The following IFT56 variants were observed in gnomAD, a reference collection of about 807,000 sequenced individuals.
The protein encoded by IFT56 is intraflagellar transport protein 56.
the IFT56 span, among the ~76,000 whole-genome samples, chr7:139,139,290 C>T: frequency 2.6e-5 from 4 of 152,084 alleles, no homozygotes; most frequent in East Asian, 3.9e-4. Flanking sequence ...TGCTAGTATT[C>T]GTAAAAGGCA....
At chr7:139,179,151 G>C in the IFT56 span, among the ~76,000 whole-genome samples, 1 of 152,230 alleles carries the variant, frequency 6.6e-6, no homozygotes, top group Non-Finnish European at 1.5e-5. Flanking sequence ...AGGCTGAAAA[G>C]TGGGAGGATC....
the IFT56 span, chr7:139,140,147 G>T: frequency 3.7e-6 from 2 of 538,432 alleles, no homozygotes; most frequent in East Asian, 3.3e-5. Context: ...AGTCCTCAAA[G>T]AATATTGGAT....
At chr7:139,186,594 TAGTC>T in the IFT56 span, among the ~76,000 whole-genome samples, 1 of 152,126 alleles carries the variant, frequency 6.6e-6, no homozygotes, top group African/African-American at 2.4e-5. Context: ...TTTAGAATAG[TAGTC>T]AGTATACATC....
chr7:139,160,477 T>G, the IFT56 span, among the ~76,000 whole-genome samples: 1 of 151,394 alleles, frequency 6.6e-6, no homozygotes, highest in Non-Finnish European at 1.5e-5. Context: ...GTCGCCAGGC[T>G]GGAATGCAGT....
At chr7:139,183,894 G>C in the IFT56 span, among the ~76,000 whole-genome samples, 1 of 152,114 alleles carries the variant, frequency 6.6e-6, no homozygotes. Flanking sequence ...CTTTCAGCAG[G>C]TGAATGGTTA....
chr7:139,159,293 A>T, the IFT56 span, among the ~76,000 whole-genome samples: 1 of 152,120 alleles, frequency 6.6e-6, no homozygotes, highest in African/African-American at 2.4e-5. Flanking sequence ...CATGTTTTCT[A>T]TTTCTTCTTG....
chr7:139,176,896 A>G, the IFT56 span, among the ~76,000 whole-genome samples: 1 of 152,066 alleles, frequency 6.6e-6, no homozygotes, highest in Non-Finnish European at 1.5e-5. Context: ...TATAGTGGCC[A>G]GGTGCGGTGG....
chr7:139,169,375 T>C, the IFT56 span: 18 of 1,608,546 alleles, frequency 1.1e-5, no homozygotes, highest in East Asian at 2.2e-5. Context: ...TCTGTACTTA[T>C]GATCTGCTTC....
the IFT56 span, among the ~76,000 whole-genome samples, chr7:139,153,192 C>T: frequency 6.6e-6 from 1 of 151,214 alleles, no homozygotes; most frequent in East Asian, 1.9e-4. Context: ...GTGGCTCACA[C>T]CTGTAATCCC....
the IFT56 span, chr7:139,173,008 T>G: frequency 1.4e-6 from 1 of 726,238 alleles, no homozygotes. Context: ...TCTGTCACAG[T>G]TGGTGGTGTG....
chr7:139,186,565 A>G, the IFT56 span, among the ~76,000 whole-genome samples: 1 of 152,218 alleles, frequency 6.6e-6, no homozygotes, highest in Non-Finnish European at 1.5e-5. Context: ...AATGCATTAA[A>G]CATTTAAAAG....
At chr7:139,162,617 A>G in the IFT56 span, among the ~76,000 whole-genome samples, 8 of 152,328 alleles carry the variant, frequency 5.3e-5, 2 homozygotes, top group African/African-American at 1.9e-4. Flanking sequence ...TGGGTAAGTC[A>G]CTTAACATTG....
the IFT56 span, among the ~76,000 whole-genome samples, chr7:139,141,550 T>A: frequency 6.6e-6 from 1 of 152,240 alleles, no homozygotes; most frequent in African/African-American, 2.4e-5. Flanking sequence ...TTATCTGTGC[T>A]AAGAACAGTG....
the IFT56 span, among the ~76,000 whole-genome samples, chr7:139,175,146 C>A: frequency 3.9e-5 from 6 of 152,124 alleles, no homozygotes; most frequent in African/African-American, 1.4e-4. Context: ...CCATCTCACT[C>A]CAGTTAAAAT....
the IFT56 span, chr7:139,134,852 G>A: frequency 6.4e-7 from 1 of 1,551,556 alleles, no homozygotes. Flanking sequence ...ATGAATGCTT[G>A]GGTGAATGCT....
chr7:139,135,394 T>A, the IFT56 span, among the ~76,000 whole-genome samples: 1 of 152,054 alleles, frequency 6.6e-6, no homozygotes, highest in Non-Finnish European at 1.5e-5. Flanking sequence ...TTTTATACAA[T>A]GTCATTTCAC....
chr7:139,181,034 T>A, the IFT56 span: 1 of 1,087,532 alleles, frequency 9.2e-7, no homozygotes, highest in Admixed American at 2.2e-5. Flanking sequence ...GGTGCAGAAA[T>A]TATTTTTGTA....
At chr7:139,183,407 C>G in the IFT56 span, among the ~76,000 whole-genome samples, 1 of 152,086 alleles carries the variant, frequency 6.6e-6, no homozygotes, top group Admixed American at 6.5e-5. Context: ...AAGCCAAATA[C>G]AGGTTTTCTT....
At chr7:139,168,622 A>T in the IFT56 span, 5 of 482,896 alleles carry the variant, frequency 1.0e-5, no homozygotes, top group Admixed American at 1.6e-4. Context: ...CTGCTTGTTT[A>T]AAAGGGTCCA....
Sources: allele counts gnomAD v4.1 joint callset (sites outside exome capture counted in the v4.1 genomes callset), GRCh38; gene constraint gnomAD v4.1.1; transcripts MANE v1.5; gene names NCBI Gene and HGNC (gene_info 2026-07-23, HGNC 2026-07-21).